Variants in MIB1 observed in about 807,000 individuals in gnomAD.
The protein encoded by MIB1 is MIB E3 ubiquitin protein ligase 1.
Under a neutral mutation model 124.5 loss-of-function variants are expected in MIB1, and 278 were observed. The observed-to-expected ratio is 2.23, with a 90% CI of 2.02 to 2.47. The LOEUF (loss-of-function observed/expected upper bound fraction) is 2.47, where lower values mean the gene tolerates loss of function less well. Ranked by LOEUF, MIB1 falls within the 30% of genes most tolerant of loss-of-function variation. The probability of loss-of-function intolerance (pLI) is 0.00; values close to 1 mark genes in which losing one functional copy is unlikely to be tolerated. For missense variants in MIB1, 957 were observed against 1,254.4 expected, an observed-to-expected ratio of 0.76 and a Z score of 3.58; for synonymous variants, 446 against 429.4, an observed-to-expected ratio of 1.04 and a Z score of -0.48.
intron 10 of MIB1, among the ~76,000 whole-genome samples, chr18:21,804,712 T>C (rs1385012706): frequency 1.3e-5 from 2 of 152,194 alleles, no homozygotes; most frequent in Non-Finnish European, 2.9e-5. Flanking sequence ...CAAATTTAAA[T>C]TAGGCAGAAT....
At chr18:21,774,761 A>G (rs2041261446) in intron 4 of MIB1, among the ~76,000 whole-genome samples, 1 of 151,888 alleles carries the variant, frequency 6.6e-6, no homozygotes, top group Non-Finnish European at 1.5e-5. Flanking sequence ...GAATGGAGGA[A>G]GTATCCCAGT....
intron 1 of MIB1, among the ~76,000 whole-genome samples, chr18:21,712,586 A>T (rs1163436298): frequency 1.3e-5 from 2 of 152,176 alleles, no homozygotes; most frequent in African/African-American, 4.8e-5. Context: ...AACTGCAAAA[A>T]ACACTGGTGA....
chr18:21,711,745 A>T (rs1232619639), intron 1 of MIB1, among the ~76,000 whole-genome samples: 1 of 152,090 alleles, frequency 6.6e-6, no homozygotes, highest in Non-Finnish European at 1.5e-5. Flanking sequence ...TCAGGCTGGC[A>T]TGCCATGGTG....
At chr18:21,710,419 A>G (rs2040660587) in intron 1 of MIB1, among the ~76,000 whole-genome samples, 2 of 152,230 alleles carry the variant, frequency 1.3e-5, no homozygotes, top group Admixed American at 6.5e-5. Context: ...GGATAAATAC[A>G]ATACTAAACA....
chr18:21,830,407 A>G (rs928605974), intron 12 of MIB1, among the ~76,000 whole-genome samples: 15 of 152,154 alleles, frequency 9.9e-5, no homozygotes, highest in African/African-American at 2.9e-4. Context: ...ACAATAATGT[A>G]TTTGTACATT....
At chr18:21,856,320 A>G (rs1243749590) in intron 18 of MIB1, among the ~76,000 whole-genome samples, 1 of 151,536 alleles carries the variant, frequency 6.6e-6, no homozygotes, top group African/African-American at 2.4e-5. Flanking sequence ...GATATTTCTT[A>G]TTGGAATAGG....
At chr18:21,817,999 A>G (rs1200318568) in intron 11 of MIB1, among the ~76,000 whole-genome samples, 1 of 152,260 alleles carries the variant, frequency 6.6e-6, no homozygotes, top group Non-Finnish European at 1.5e-5. Context: ...CTAATGAATA[A>G]AAACTTACTG....
chr18:21,809,750 C>T (rs978421362), intron 10 of MIB1, among the ~76,000 whole-genome samples: 1 of 151,986 alleles, frequency 6.6e-6, no homozygotes, highest in Non-Finnish European at 1.5e-5. Context: ...TAGGGAATTA[C>T]CTCAATGTAA....
intron 1 of MIB1, among the ~76,000 whole-genome samples, chr18:21,721,705 G>T (rs1396795498): frequency 6.6e-6 from 1 of 152,030 alleles, no homozygotes; most frequent in African/African-American, 2.4e-5. Context: ...TAGCTTGTGG[G>T]TAGGGTGAAA....
chr18:21,802,214 T>G (rs1457084136), intron 9 of MIB1, among the ~76,000 whole-genome samples: 1 of 152,182 alleles, frequency 6.6e-6, no homozygotes, highest in East Asian at 1.9e-4. Flanking sequence ...TTGGTTAGCA[T>G]TAAGAACTTG....
chr18:21,773,081 C>A (rs2146416728), intron 3 of MIB1, among the ~76,000 whole-genome samples: 1 of 152,242 alleles, frequency 6.6e-6, no homozygotes, highest in Admixed American at 6.5e-5. Flanking sequence ...GCCTGGCCAA[C>A]ATGGTGAAAC....
chr18:21,853,191 C>T lies in MIB1; in HGVS notation c.2638C>T (p.Pro880Ser). Reference protein sequence around the residue: ...SDKKAAVLFQPCGHMCACENC... With the variant: ...SDKKAAVLFQSCGHMCACENC... ...CAAGAAAGCAGCTGTTCTTTTTCAA[C>T]CCTGTGGCCACATGTGTGCTTGTGA... The change falls in exon 18 of 21, where the codon CCC becomes TCC. Residue 880 changes from proline (P) to serine (S), a missense_variant. Physicochemically the swap from Pro to Ser is moderately conservative, Grantham distance 74. Transcript: ENST00000261537. 6.2e-7 allele frequency: 1 copy of T among 1,612,906 alleles called. No individual in the cohort carries two copies. Among genetic ancestry groups the T allele is most frequent in the Non-Finnish European group, 8.5e-7 (1 of 1,179,156 alleles).
chr18:21,763,920 ATTTTTTATT>A (rs553647232), intron 1 of MIB1, among the ~76,000 whole-genome samples: 33 of 151,716 alleles, frequency 2.2e-4, no homozygotes, highest in East Asian at 3.9e-4. Flanking sequence ...AGCAGGAGTG[ATTTTTTATT>A]TTTTTTATTT....
At chr18:21,788,857 T>C (rs958111674) in intron 6 of MIB1, among the ~76,000 whole-genome samples, 1 of 152,172 alleles carries the variant, frequency 6.6e-6, no homozygotes, top group Non-Finnish European at 1.5e-5. Context: ...AACAATTTCA[T>C]TTATAATGGC....
chr18:21,724,289 C>G (rs1434268080), intron 1 of MIB1: 1 of 152,038 alleles, frequency 6.6e-6, no homozygotes, highest in East Asian at 1.9e-4. Flanking sequence ...AAATCTATGT[C>G]AAATCAGTAA....
At chr18:21,706,634 C>G (rs1414705178) in intron 1 of MIB1, among the ~76,000 whole-genome samples, 1 of 152,178 alleles carries the variant, frequency 6.6e-6, no homozygotes, top group Non-Finnish European at 1.5e-5. Context: ...ACCGCCGGCC[C>G]TGGCCAGTGA....
intron 1 of MIB1, among the ~76,000 whole-genome samples, chr18:21,755,273 CTAAGT>C (rs980923510): frequency 1.3e-5 from 2 of 151,648 alleles, no homozygotes; most frequent in Non-Finnish European, 2.9e-5. Context: ...AGTCTGATAC[CTAAGT>C]TATCTTTAAA....
intron 1 of MIB1, among the ~76,000 whole-genome samples, chr18:21,750,975 T>C (rs2040968179): frequency 6.6e-6 from 1 of 152,032 alleles, no homozygotes; most frequent in Non-Finnish European, 1.5e-5. Flanking sequence ...GGCAGGCAGG[T>C]TGCTTGAGCC....
chr18:21,814,573 C>T (rs1244584612), intron 10 of MIB1, among the ~76,000 whole-genome samples: 4 of 151,826 alleles, frequency 2.6e-5, no homozygotes, highest in Non-Finnish European at 4.4e-5. Context: ...AGAACAGGAC[C>T]CTGATTCTTT....
Sources: allele counts gnomAD v4.1 joint callset (sites outside exome capture counted in the v4.1 genomes callset), GRCh38; gene constraint gnomAD v4.1.1; transcripts MANE v1.5; gene names NCBI Gene and HGNC (gene_info 2026-07-23, HGNC 2026-07-21).